Variants in THSD7B observed in about 807,000 individuals in gnomAD.
THSD7B encodes thrombospondin type-1 domain-containing protein 7B.
Under a neutral mutation model 213.6 loss-of-function variants are expected in THSD7B, and 138 were observed. The ratio of observed to expected loss-of-function variants is 0.65; its 90% CI spans 0.56 to 0.74. The LOEUF (loss-of-function observed/expected upper bound fraction) is 0.74, where lower values mean the gene tolerates loss of function less well. Ranked by LOEUF, THSD7B falls within the 30% of genes least tolerant of loss-of-function variation. The pLI is 0.00. For synonymous variants in THSD7B, 742 were observed against 687.0 expected (o/e 1.08, Z -1.25); for missense variants, 1,931 against 1,991.5 (o/e 0.97, Z 0.58).
rs1257652012 is a variant in THSD7B, at chr2:137,498,386, A to C, written c.3138+47363A>C. On this transcript the variant is annotated intron_variant, in intron 15 of 27. Coordinates refer to ENST00000409968, the MANE Select transcript of THSD7B (RefSeq NM_001316349.2). ...TATATTATCATGATTTAGACAATTG[A>C]ATTGATTTCATAATCAAGTAGTTCT... Among the ~76,000 whole-genome samples, 4 of 151,538 alleles carry C rather than the reference A, an allele frequency of 2.6e-5. No individual in the cohort carries two copies. In the East Asian group the frequency reaches 7.7e-4, roughly 29 times the overall value.
chr2:136,812,877 G>A (rs2104931430), intron 1 of THSD7B, among the ~76,000 whole-genome samples: 1 of 152,292 alleles, frequency 6.6e-6, no homozygotes, highest in South Asian at 2.1e-4. Context: ...AGACTGGGTA[G>A]TAATCTTTGC....
chr2:137,143,967 G>A (rs1038156014), intron 5 of THSD7B, among the ~76,000 whole-genome samples: 5 of 152,006 alleles, frequency 3.3e-5, no homozygotes, highest in African/African-American at 4.8e-5. Context: ...CAATTCATAA[G>A]AGTTTATGGC....
At chr2:137,178,101 A>AT (rs1680392795) in intron 7 of THSD7B, among the ~76,000 whole-genome samples, 1 of 147,426 alleles carries the variant, frequency 6.8e-6, no homozygotes, top group Non-Finnish European at 1.5e-5. Context: ...AAGTAGTAGT[A>AT]TTGGTCCTAA....
chr2:137,113,266 C>T (rs1424778631), intron 4 of THSD7B, among the ~76,000 whole-genome samples: 1 of 152,126 alleles, frequency 6.6e-6, no homozygotes, highest in African/African-American at 2.4e-5. Flanking sequence ...AAGGCTTCTG[C>T]TGAGGTGGCC....
At chr2:136,792,596 G>C (rs181419727) in intron 1 of THSD7B, among the ~76,000 whole-genome samples, 49 of 152,112 alleles carry the variant, frequency 3.2e-4, no homozygotes, top group African/African-American at 1.1e-3. Context: ...TGGGGAGGCT[G>C]TGCTGATGGG....
At chr2:137,551,897 G>T (rs1680855438) in intron 15 of THSD7B, among the ~76,000 whole-genome samples, 1 of 151,988 alleles carries the variant, frequency 6.6e-6, no homozygotes, top group Admixed American at 6.6e-5. Context: ...TTATCAAGAG[G>T]GGTAACTGAC....
intron 16 of THSD7B, among the ~76,000 whole-genome samples, chr2:137,567,724 A>G (rs1008372838): frequency 6.6e-5 from 10 of 152,208 alleles, no homozygotes; most frequent in Non-Finnish European, 4.4e-5. Flanking sequence ...GAATAATGGC[A>G]TAATTTTTTG....
chr2:137,342,764 A>G (rs1041057990), intron 12 of THSD7B, among the ~76,000 whole-genome samples: 7 of 151,342 alleles, frequency 4.6e-5, no homozygotes, highest in African/African-American at 1.7e-4. Flanking sequence ...GAATTTGTCA[A>G]TTTTTTTATA....
chr2:136,769,443 A>T (rs900684783), intron 1 of THSD7B, among the ~76,000 whole-genome samples: 1 of 152,194 alleles, frequency 6.6e-6, no homozygotes, highest in South Asian at 2.1e-4. Context: ...ATTACTCCGT[A>T]TCTTTTGGTA....
chr2:136,828,667 G>A (rs1404342998), intron 1 of THSD7B, among the ~76,000 whole-genome samples: 1 of 152,252 alleles, frequency 6.6e-6, no homozygotes, highest in Admixed American at 6.5e-5. Context: ...AGTTCCTCAG[G>A]CCTGCTAAGC....
rs1688112545 is a variant in THSD7B, at chr2:137,472,540, A to G, written c.3138+21517A>G. 2.0e-5 allele frequency among the ~76,000 whole-genome samples: 3 copies of G among 152,230 alleles called. No homozygotes were observed. The South Asian group carries it at 6.2e-4, about 32-fold the overall frequency. ...TTTTACAATTTTGCAAACGTCTTTG[A>G]TATCTGACTTCACAGAAAAGAGCTG... On this transcript the variant is annotated intron_variant, in intron 15 of 27. Coordinates refer to ENST00000409968, the MANE Select transcript of THSD7B (RefSeq NM_001316349.2).
chr2:136,995,728 C>T (rs2104819879), intron 2 of THSD7B, among the ~76,000 whole-genome samples: 1 of 152,250 alleles, frequency 6.6e-6, no homozygotes, highest in South Asian at 2.1e-4. Context: ...TCACCCAGAC[C>T]TCACCTAACA....
At chr2:136,867,780 G>A (rs930261911) in intron 1 of THSD7B, among the ~76,000 whole-genome samples, 1 of 152,108 alleles carries the variant, frequency 6.6e-6, no homozygotes, top group African/African-American at 2.4e-5. Context: ...TAAATTGCCA[G>A]GATACCCAGT....
At chr2:137,601,874 C>T (rs1040928800) in intron 17 of THSD7B, among the ~76,000 whole-genome samples, 2 of 152,182 alleles carry the variant, frequency 1.3e-5, no homozygotes, top group Non-Finnish European at 2.9e-5. Flanking sequence ...CATTCAGGAG[C>T]CAACATCTGT....
chr2:137,526,878 T>A (rs896190240), intron 15 of THSD7B, among the ~76,000 whole-genome samples: 1 of 152,042 alleles, frequency 6.6e-6, no homozygotes, highest in African/African-American at 2.4e-5. Flanking sequence ...AATGAGCAGG[T>A]TGAAAATTAA....
intron 2 of THSD7B, among the ~76,000 whole-genome samples, chr2:137,009,554 C>T (rs535102559): frequency 3.9e-5 from 6 of 152,198 alleles, no homozygotes; most frequent in East Asian, 1.9e-4. Flanking sequence ...TACAGTTCCA[C>T]GTGGCTGAGG....
intron 2 of THSD7B, among the ~76,000 whole-genome samples, chr2:137,025,617 G>C (rs1202693693): frequency 1.3e-5 from 2 of 152,120 alleles, no homozygotes; most frequent in African/African-American, 2.4e-5. Context: ...CAGATGCTGT[G>C]CATCTTGTGG....
At position 137,659,696 on chromosome 2, in the gene THSD7B, A is replaced by G. The variant is rs1283895857; in HGVS notation, c.4408A>G (p.Ile1470Val). ...GCSPQARPAA[I>V]RQCIPACRKP... ...CTCCCCTCAGGCCCGTCCTGCTGCC[A>G]TTCGGCAGTGCATTCCAGCCTGCAG... is the stretch of plus-strand genomic sequence containing the variant. Residue 1470 changes from isoleucine (I) to valine (V), a missense_variant, in exon 25 of 28, where the codon ATT becomes GTT. Transcript: ENST00000409968. 6.2e-7 allele frequency: 1 copy of G among 1,605,132 alleles called. No individual in the cohort carries two copies.
chr2:136,982,298 G>C (rs1054747098), intron 2 of THSD7B, among the ~76,000 whole-genome samples: 2 of 120,790 alleles, frequency 1.7e-5, no homozygotes, highest in Admixed American at 2.0e-4. Flanking sequence ...CTTACATTTG[G>C]TGCTATGTGA....
Sources: allele counts gnomAD v4.1 joint callset (sites outside exome capture counted in the v4.1 genomes callset), GRCh38; gene constraint gnomAD v4.1.1; transcripts MANE v1.5; gene names NCBI Gene and HGNC (gene_info 2026-07-23, HGNC 2026-07-21).